Variants in UBN2 observed in about 807,000 individuals in gnomAD.
UBN2 encodes ubinuclein-2.
A neutral mutation model predicts 120.2 loss-of-function variants in UBN2; 35 were observed. The observed-to-expected ratio is 0.29, with a 90% CI of 0.22 to 0.39. The LOEUF is 0.39. Among genes scored for constraint, UBN2 ranks in the 10% least tolerant of loss-of-function variants. The probability of loss-of-function intolerance (pLI) is 1.00; values close to 1 mark genes in which losing one functional copy is unlikely to be tolerated. For synonymous variants in UBN2, 661 were observed against 648.7 expected (o/e 1.02, Z -0.29); for missense variants, 1,693 against 1,663.2 (o/e 1.02, Z -0.31).
chr7:139,284,907 A>G (rs928069054), intron 15 of UBN2, among the ~76,000 whole-genome samples: 3 of 152,180 alleles, frequency 2.0e-5, no homozygotes, highest in East Asian at 1.9e-4. Flanking sequence ...GCTTATTTCA[A>G]ACTTTCTCTC....
chr7:139,243,328 T>A (rs908095117), intron 2 of UBN2, among the ~76,000 whole-genome samples: 3 of 152,212 alleles, frequency 2.0e-5, no homozygotes, highest in Non-Finnish European at 4.4e-5. Context: ...AAATAAGTTT[T>A]GATTTTTATA....
At chr7:139,258,408 C>T (rs1339195611) in intron 3 of UBN2, 80 bp from the exon 4 acceptor site, 6 of 1,161,616 alleles carry the variant, frequency 5.2e-6, no homozygotes, top group South Asian at 2.6e-5. Context: ...GAGATGCTGC[C>T]ATGGTGGATG....
In UBN2 at chr7:139,297,883, T is replaced by A; in HGVS notation, c.*47T>A. On this transcript the variant is annotated 3_prime_UTR_variant, in exon 18 of 18. Coordinates refer to ENST00000473989, the MANE Select transcript of UBN2 (RefSeq NM_173569.4). The stretch of plus-strand genomic sequence containing the variant: ...CGAAATGTTTAGTTGACTGATGGAA[T>A]CTACCTGATGGGAAAGTACTTATGT... 6.2e-7 allele frequency: 1 copy of A among 1,600,488 alleles called. No homozygotes were observed. Among genetic ancestry groups the A allele is most frequent in the Non-Finnish European group, 8.6e-7 (1 of 1,167,778 alleles).
At position 139,231,438 on chromosome 7, in the gene UBN2, G is replaced by A. The variant is rs779900832; in HGVS notation, c.-47G>A. The stretch of plus-strand genomic sequence containing the variant: ...GCGGGCAGGCACGCAGCGCGCCGTA[G>A]AAGCGAGCGCCGGCTCGAGCAAAAG... On this transcript the variant is annotated 5_prime_UTR_variant, in exon 1 of 18. Transcript: ENST00000473989. The A allele has an allele frequency of 7.0e-6, 9 of 1,279,496 alleles. No homozygotes were observed. Among genetic ancestry groups the A allele is most frequent in the Non-Finnish European group, 9.0e-6 (9 of 1,005,186 alleles). 79.3% of individuals were successfully genotyped at this position (1,279,496 alleles called of 1,614,324 possible).
intron 3 of UBN2, among the ~76,000 whole-genome samples, chr7:139,258,284 G>GT (rs980013010): frequency 1.3e-5 from 2 of 151,852 alleles, no homozygotes; most frequent in African/African-American, 4.8e-5. Flanking sequence ...TATTTCAGAA[G>GT]TTTTTTTCTT....
chr7:139,284,719 T>TG, intron 15 of UBN2, 145 bp downstream of exon 15: 1 of 722,236 alleles, frequency 1.4e-6, no homozygotes, highest in Non-Finnish European at 2.2e-6. Context: ...ATGTTCCTGA[T>TG]GCTGACATCA....
chr7:139,264,864 G>A (rs541753752), intron 6 of UBN2, among the ~76,000 whole-genome samples: 2 of 152,264 alleles, frequency 1.3e-5, no homozygotes, highest in Admixed American at 6.5e-5. Flanking sequence ...GGGATTACAA[G>A]TGTGAGCCAC....
chr7:139,274,894 A>G (rs910279832), intron 11 of UBN2, among the ~76,000 whole-genome samples: 2 of 152,144 alleles, frequency 1.3e-5, no homozygotes, highest in Admixed American at 1.3e-4. Context: ...ATCTGAGACC[A>G]GTCTCAAAAA....
chr7:139,291,419 A>G (rs1021030364), intron 15 of UBN2, among the ~76,000 whole-genome samples: 3 of 151,740 alleles, frequency 2.0e-5, no homozygotes, highest in Admixed American at 6.6e-5. Flanking sequence ...TAGAACTGTT[A>G]AAGTTTTGAC....
the UBN2 span, among the ~76,000 whole-genome samples, chr7:139,314,231 C>T: frequency 5.3e-5 from 8 of 150,392 alleles, no homozygotes; most frequent in South Asian, 6.3e-4. Context: ...CCAAGGCAGG[C>T]GGATCACAAG....
chr7:139,327,849 G>A, the UBN2 span, among the ~76,000 whole-genome samples: 2 of 152,114 alleles, frequency 1.3e-5, no homozygotes, highest in East Asian at 3.8e-4. Context: ...GCTTCTTCAG[G>A]GCTGGCTAAA....
In UBN2 at chr7:139,231,874, G is replaced by T; in HGVS notation, c.390G>T (p.Glu130Asp). 1 of 1,575,322 alleles carries T rather than the reference G, an allele frequency of 6.3e-7. No individual in the cohort carries two copies. Among genetic ancestry groups the T allele is most frequent in the Non-Finnish European group, 8.6e-7 (1 of 1,166,912 alleles). Residue 130 changes from glutamate (E) to aspartate (D), a missense_variant, in exon 1 of 18, where the codon GAG becomes GAT. Glu to Asp is a conservative substitution (Grantham distance 45, BLOSUM62 2). Coordinates refer to ENST00000473989, the MANE Select transcript of UBN2 (RefSeq NM_173569.4). ...CGCCGAGGGAGACGGTGCGCCTGGA[G>T]CTGGTGCTTAAGGACCCCACCGACG... ...PRPPRETVRL[E>D]LVLKDPTDES...
In UBN2 at chr7:139,284,116, G is replaced by T. The variant is rs1313240829; in HGVS notation, c.3211G>T (p.Val1071Leu). The T allele has an allele frequency of 6.2e-7, 1 of 1,614,078 alleles. No homozygotes were observed. Among genetic ancestry groups the T allele is most frequent in the East Asian group, 2.2e-5 (1 of 44,882 alleles). ...PKPSLSAKPS[V>L]STKLISKSNP... ...GCCCTCTCTGTCAGCTAAGCCTTCA[G>T]TATCAACTAAACTTATTTCTAAATC... Residue 1071 changes from valine (V) to leucine (L), a missense_variant, in exon 15 of 18, where the codon GTA (valine) becomes TTA (leucine). Val to Leu is a conservative substitution (Grantham distance 32). Transcript: ENST00000473989.
intron 17 of UBN2, among the ~76,000 whole-genome samples, chr7:139,295,088 CTTTT>C (rs1175195798): frequency 7.3e-6 from 1 of 137,534 alleles, no homozygotes. Flanking sequence ...CTAGGCCTCA[CTTTT>C]TTTTTTTTTT....
Position 139,293,429 on chromosome 7 carries a change from T to C in UBN2, c.3867T>C (p.Ser1289=). ...CTGGAGTGACAACCACCTCGGGATC[T>C]ACCTCAGCCGCTTTCCACCATAGCC... ...DTAGVTTTSG[S]TSAAFHHSLT... Residue 1289 remains serine, a synonymous_variant, in exon 16 of 18, where the codon TCT becomes TCC. Transcript: ENST00000473989. 1 of 1,614,188 alleles carries C rather than the reference T, an allele frequency of 6.2e-7. No individual in the cohort carries two copies. The highest frequency in any genetic ancestry group is 8.5e-7 in the Non-Finnish European group (1 of 1,180,006).
At position 139,304,514 on chromosome 7, in the gene UBN2, GCAA is replaced by G. The variant is rs1324487805; in HGVS notation, c.*6680_*6682del. 2 of 152,176 alleles carry G rather than the reference GCAA, an allele frequency of 1.3e-5. No individual in the cohort carries two copies. The highest frequency in any genetic ancestry group is 2.9e-5 in the Non-Finnish European group (2 of 68,038). 9.4% of individuals were successfully genotyped at this position (152,176 alleles called of 1,614,324 possible). A position where few individuals can be genotyped will look rare whatever the true frequency, so the allele number is the denominator to read the frequency against. On this transcript the variant is annotated 3_prime_UTR_variant, in exon 18 of 18. Coordinates refer to ENST00000473989, the MANE Select transcript of UBN2 (RefSeq NM_173569.4). ...AGTTTTAGTTGGGGCTAAATGCTGA[GCAA>G]CGATTGTTGGAGTGTGTGTGTAAAT...
chr7:139,239,967 G>A (rs1029220895), intron 2 of UBN2, among the ~76,000 whole-genome samples: 7 of 152,080 alleles, frequency 4.6e-5, no homozygotes, highest in South Asian at 4.1e-4. Context: ...AGTATATGAC[G>A]CACTACCTTA....
chr7:139,311,409 C>T (rs1025437182), downstream of UBN2, among the ~76,000 whole-genome samples: 14 of 152,142 alleles, frequency 9.2e-5, no homozygotes, highest in South Asian at 2.1e-4. Flanking sequence ...AGTAGGGTGG[C>T]GTGGTGTGAA....
rs1029795373 is a variant in UBN2, at chr7:139,240,159, A to G, written c.561+3062A>G. The stretch of plus-strand genomic sequence containing the variant: ...TTGTTATAGTCTAAATTAATGGGCT[A>G]TATTTCTTCTCTGGATTTTTATTTT... On this transcript the variant is annotated intron_variant, in intron 2 of 17. Coordinates refer to ENST00000473989, the MANE Select transcript of UBN2 (RefSeq NM_173569.4). 3.3e-5 allele frequency among the ~76,000 whole-genome samples: 5 copies of G among 152,186 alleles called. No homozygotes were observed. The East Asian group carries it at 5.8e-4, about 18-fold the overall frequency.
Sources: allele counts gnomAD v4.1 joint callset (sites outside exome capture counted in the v4.1 genomes callset), GRCh38; gene constraint gnomAD v4.1.1; transcripts MANE v1.5; gene names NCBI Gene and HGNC (gene_info 2026-07-23, HGNC 2026-07-21).